Variants in CSMD1 observed in about 807,000 individuals in gnomAD.
CSMD1 encodes CUB and sushi domain-containing protein 1.
CSMD1 carries 213 observed loss-of-function variants against 417.5 expected under a neutral mutation model. That is an observed-to-expected ratio of 0.51 (90% CI 0.46 to 0.57). CSMD1 has a LOEUF of 0.57. Among genes scored for constraint, CSMD1 ranks in the 20% least tolerant of loss-of-function variants. CSMD1 has a pLI of 0.00. For synonymous variants in CSMD1, 2,862 were observed against 1,736.8 expected, an observed-to-expected ratio of 1.65 and a Z score of -16.11; for missense variants, 6,923 against 4,529.7, an observed-to-expected ratio of 1.53 and a Z score of -15.17.
chr8:4,469,323 G>A (rs1292227694), intron 2 of CSMD1, among the ~76,000 whole-genome samples: 1 of 152,086 alleles, frequency 6.6e-6, no homozygotes, highest in African/African-American at 2.4e-5. Flanking sequence ...AATTATTTTC[G>A]GCTTTCTGAA....
At chr8:4,672,848 T>C (rs1342824715) in intron 1 of CSMD1, among the ~76,000 whole-genome samples, 2 of 151,794 alleles carry the variant, frequency 1.3e-5, no homozygotes, top group African/African-American at 4.8e-5. Flanking sequence ...TGTAGTGACG[T>C]ACACATATGC....
intron 2 of CSMD1, among the ~76,000 whole-genome samples, chr8:4,557,360 T>C (rs1293851111): frequency 6.6e-6 from 1 of 151,580 alleles, no homozygotes; most frequent in African/African-American, 2.4e-5. Context: ...TGCCTTGATA[T>C]GCCAAGATAT....
At chr8:4,963,753 C>T (rs1281675734) in intron 1 of CSMD1, among the ~76,000 whole-genome samples, 3 of 152,118 alleles carry the variant, frequency 2.0e-5, no homozygotes, top group Non-Finnish European at 4.4e-5. Flanking sequence ...TTCTTGGTCA[C>T]TTAACAAAAT....
At chr8:3,463,550 A>G (rs1464675060) in intron 12 of CSMD1, among the ~76,000 whole-genome samples, 2 of 152,200 alleles carry the variant, frequency 1.3e-5, no homozygotes, top group East Asian at 3.9e-4. Flanking sequence ...TTGTCTGACT[A>G]TGAATAGCGT....
At chr8:4,010,119 T>A (rs901923875) in intron 4 of CSMD1, among the ~76,000 whole-genome samples, 5 of 152,216 alleles carry the variant, frequency 3.3e-5, no homozygotes, top group African/African-American at 1.2e-4. Context: ...CTTCCTCTGA[T>A]GGAAACCTGA....
chr8:4,837,257 C>G (rs181120580), intron 1 of CSMD1, among the ~76,000 whole-genome samples: 1 of 151,866 alleles, frequency 6.6e-6, no homozygotes, highest in East Asian at 1.9e-4. Flanking sequence ...ATATACCCCC[C>G]AAAAAAGGAA....
At chr8:4,731,988 G>A (rs1382084908) in intron 1 of CSMD1, among the ~76,000 whole-genome samples, 4 of 152,230 alleles carry the variant, frequency 2.6e-5, no homozygotes, top group African/African-American at 4.8e-5. Flanking sequence ...GTTATGAGAA[G>A]GAGGAGAGAA....
At chr8:4,428,635 C>G (rs1012723070) in intron 2 of CSMD1, among the ~76,000 whole-genome samples, 1 of 152,070 alleles carries the variant, frequency 6.6e-6, no homozygotes, top group African/African-American at 2.4e-5. Context: ...AACACGGAAA[C>G]TACAGAACTT....
At chr8:3,600,709 T>A (rs1455526550) in intron 8 of CSMD1, among the ~76,000 whole-genome samples, 1 of 152,180 alleles carries the variant, frequency 6.6e-6, no homozygotes, top group Non-Finnish European at 1.5e-5. Context: ...GCGGTAATTT[T>A]ACTGAGGGAT....
chr8:3,592,234 G>A (rs1800882725), intron 8 of CSMD1, among the ~76,000 whole-genome samples: 1 of 152,062 alleles, frequency 6.6e-6, no homozygotes, highest in Admixed American at 6.6e-5. Context: ...TAGATACATA[G>A]ATGGATAGAT....
intron 52 of CSMD1, among the ~76,000 whole-genome samples, chr8:3,012,245 A>G (rs1463421761): frequency 6.6e-6 from 1 of 152,254 alleles, no homozygotes; most frequent in East Asian, 1.9e-4. Context: ...AATCCAGACC[A>G]GGGACCTAAA....
rs897035540 is a variant in CSMD1 at position 4,146,893 on chromosome 8, G to C, written c.416-114794C>G. Among the ~76,000 whole-genome samples the C allele has an allele frequency of 3.5e-5, 5 of 144,338 alleles. 1 individual carries two copies. Among genetic ancestry groups the C allele is most frequent in the African/African-American group, 1.2e-4 (4 of 34,274 alleles). The allele number at this position is 144,338 out of a possible 152,430, so 94.7% of individuals were successfully genotyped here. On this transcript the variant is annotated intron_variant, in intron 3 of 69. Coordinates refer to ENST00000635120, the MANE Select transcript of CSMD1 (RefSeq NM_033225.6). Reference sequence around the variant, plus strand: ...CCAAAGTGCCGGCGTGATTACATGTGTGAGCCACCGCACCGGCCAGACACA... The same window carrying C: ...CCAAAGTGCCGGCGTGATTACATGTCTGAGCCACCGCACCGGCCAGACACA...
In CSMD1 at chr8:3,245,652, T is replaced by A. The variant is rs546426692; in HGVS notation, c.4154-15421A>T. Among the ~76,000 whole-genome samples the A allele has an allele frequency of 2.0e-5, 3 of 152,304 alleles. No individual in the cohort carries two copies. In the East Asian group the frequency reaches 5.8e-4, roughly 29 times the overall value. On this transcript the variant is annotated intron_variant, in intron 26 of 69. Coordinates refer to ENST00000635120, the MANE Select transcript of CSMD1 (RefSeq NM_033225.6). ...CTTCCGCAGGCACCTGACTCCAAGTTGCAAAACGGCCTCCTTTCATAAGGA... is the reference window on the plus strand; with the variant it reads ...CTTCCGCAGGCACCTGACTCCAAGTAGCAAAACGGCCTCCTTTCATAAGGA...
chr8:3,142,719 T>C (rs1321161499), intron 40 of CSMD1, 45 bp from the exon 41 acceptor site: 5 of 1,446,926 alleles, frequency 3.5e-6, no homozygotes, highest in Non-Finnish European at 3.9e-6. Flanking sequence ...TATCAAAATG[T>C]ATAAAATCAA....
chr8:4,356,723 G>C (rs149150068), intron 3 of CSMD1, among the ~76,000 whole-genome samples: 28 of 152,204 alleles, frequency 1.8e-4, no homozygotes, highest in African/African-American at 6.3e-4. Flanking sequence ...CCAATGGAGA[G>C]GTACAGTGAG....
intron 15 of CSMD1, among the ~76,000 whole-genome samples, chr8:3,401,688 T>G (rs1206305539): frequency 6.6e-6 from 1 of 152,142 alleles, no homozygotes; most frequent in African/African-American, 2.4e-5. Flanking sequence ...CTTCTTCAGT[T>G]GCTATGGCAG....
chr8:2,983,055 G>A (rs1004389261), intron 54 of CSMD1, among the ~76,000 whole-genome samples: 3 of 152,026 alleles, frequency 2.0e-5, no homozygotes, highest in Admixed American at 6.5e-5. Flanking sequence ...ATGTGATGAG[G>A]AAACACCGTG....
intron 11 of CSMD1, among the ~76,000 whole-genome samples, chr8:3,476,984 A>G (rs887280372): frequency 9.2e-5 from 14 of 152,068 alleles, no homozygotes; most frequent in African/African-American, 3.4e-4. Flanking sequence ...TGTCAACACA[A>G]AGGGATACTA....
intron 10 of CSMD1, among the ~76,000 whole-genome samples, chr8:3,541,575 AAAAAT>A (rs144183419): frequency 0.38 from 56,249 of 148,310 alleles, 11,120 homozygotes; most frequent in East Asian, 0.46. Flanking sequence ...ATATATAATA[AAAAAT>A]AAAATAAAAA....
Sources: allele counts gnomAD v4.1 joint callset (sites outside exome capture counted in the v4.1 genomes callset), GRCh38; gene constraint gnomAD v4.1.1; transcripts MANE v1.5; gene names NCBI Gene and HGNC (gene_info 2026-07-23, HGNC 2026-07-21).